LMF1: variants seen among roughly 807,000 people sequenced by gnomAD.
The protein encoded by LMF1 is transmembrane protein 112.
A neutral mutation model predicts 60.6 loss-of-function variants in LMF1; 68 were observed. The ratio of observed to expected loss-of-function variants is 1.12; its 90% CI spans 0.92 to 1.37. LMF1 has a LOEUF of 1.37. Among genes scored for constraint, LMF1 ranks in the 40% most tolerant of loss-of-function variants. The probability of loss-of-function intolerance (pLI) is 0.00; values close to 1 mark genes in which losing one functional copy is unlikely to be tolerated. For missense variants in LMF1, 948 were observed against 767.2 expected (o/e 1.24, Z -2.78); for synonymous variants, 418 against 324.7 (o/e 1.29, Z -3.09).
chr16:855,647 C>A, intron 10 of LMF1: 1 of 453,444 alleles, frequency 2.2e-6, no homozygotes, highest in Non-Finnish European at 4.4e-6. Context: ...CACAGGGCGG[C>A]TGCTGCCTGG....
intron 10 of LMF1, among the ~76,000 whole-genome samples, chr16:859,171 G>C (rs2069334516): frequency 7.4e-6 from 1 of 134,550 alleles, no homozygotes; most frequent in Non-Finnish European, 1.5e-5. Flanking sequence ...TCTCGGGACG[G>C]GTGTGAGTGG....
At chr16:912,669 G>A (rs113728410) in intron 3 of LMF1, among the ~76,000 whole-genome samples, 6,208 of 152,228 alleles carry the variant, frequency 0.041, 195 homozygotes, top group Non-Finnish European at 0.061. Flanking sequence ...CCTCGCTCAC[G>A]CCCCAGGCTC....
chr16:949,843 G>A (rs1224104705), intron 2 of LMF1, among the ~76,000 whole-genome samples: 1 of 111,314 alleles, frequency 9.0e-6, no homozygotes. Flanking sequence ...GACAGAGTTA[G>A]AGACAACGAC....
intron 2 of LMF1, among the ~76,000 whole-genome samples, chr16:948,994 ACGACAGAG>A (rs1473683613): frequency 0.013 from 1,233 of 94,650 alleles, 73 homozygotes; most frequent in African/African-American, 0.026. Flanking sequence ...GAGTCAGCCA[ACGACAGAG>A]TCAGAGCCAA....
At chr16:954,817 G>C (rs2072631135) in intron 1 of LMF1, among the ~76,000 whole-genome samples, 151 bp from the exon 2 acceptor site, 1 of 152,264 alleles carries the variant, frequency 6.6e-6, no homozygotes, top group South Asian at 2.1e-4. Flanking sequence ...TCAGGAGTCT[G>C]AGTACTTTCT....
In LMF1 at chr16:878,627, CCAA is replaced by C. The variant is rs2070065702; in HGVS notation, c.897+940_897+942del. 6.6e-6 allele frequency among the ~76,000 whole-genome samples: 1 copy of C among 151,846 alleles called. No individual in the cohort carries two copies. Among genetic ancestry groups the C allele is most frequent in the African/African-American group, 2.4e-5 (1 of 41,140 alleles). Reference sequence around the variant, plus strand: ...GCACGCACCGTGAAACAGGACCCGGCCAACAACCATGGGCGCCCCCACGTGCAC... The same window carrying C: ...GCACGCACCGTGAAACAGGACCCGGCCAACCATGGGCGCCCCCACGTGCAC... On this transcript the variant is annotated intron_variant, in intron 6 of 10. Coordinates refer to ENST00000262301, the MANE Select transcript of LMF1 (RefSeq NM_022773.4). The surrounding 1 kb of genome is among the most constrained non-coding windows in gnomAD (Gnocchi z 5.2).
intron 10 of LMF1, among the ~76,000 whole-genome samples, chr16:862,033 C>A (rs554788912): frequency 2.0e-5 from 3 of 152,170 alleles, no homozygotes; most frequent in African/African-American, 4.8e-5. Flanking sequence ...CAGATGTGAT[C>A]GTGTGAGTTA....
chr16:978,130 A>C (rs1567350851), intron 1 of LMF1, among the ~76,000 whole-genome samples: 2 of 142,688 alleles, frequency 1.4e-5, no homozygotes, highest in Non-Finnish European at 1.5e-5. Flanking sequence ...TACACACACC[A>C]CACCACACAC....
At chr16:890,708 AG>A (rs1355180116) in intron 5 of LMF1, among the ~76,000 whole-genome samples, 1 of 152,206 alleles carries the variant, frequency 6.6e-6, no homozygotes, top group Non-Finnish European at 1.5e-5. Context: ...GCCTCTTTTA[AG>A]GACACAGTCG....
At chr16:938,943 C>T (rs2072019856) in intron 2 of LMF1, among the ~76,000 whole-genome samples, 1 of 152,214 alleles carries the variant, frequency 6.6e-6, no homozygotes, top group Non-Finnish European at 1.5e-5. Context: ...AGACTGGACA[C>T]AAGAGGAAAC....
In LMF1 at chr16:854,278, G is replaced by C. The variant is rs573897032; in HGVS notation, c.*254C>G. On this transcript the variant is annotated 3_prime_UTR_variant, in exon 11 of 11. Transcript: ENST00000262301. ...GGGCCTCTGGGAGGAGGGTGGGATGGATGGGAGATCAGAGCCCCTGGCGCC... is the reference window on the plus strand; with the variant it reads ...GGGCCTCTGGGAGGAGGGTGGGATGCATGGGAGATCAGAGCCCCTGGCGCC... 1.0e-4 allele frequency: 68 copies of C among 671,284 alleles called. No individual in the cohort carries two copies. In the African/African-American group the frequency reaches 1.1e-3, roughly 11 times the overall value. The allele number at this position is 671,284 out of a possible 1,614,324, so 41.6% of individuals were successfully genotyped here.
rs116145042 is a variant in LMF1, at chr16:964,925, G to A, written c.193+5863C>T. 6.7e-3 allele frequency among the ~76,000 whole-genome samples: 1,015 copies of A among 152,340 alleles called. 14 individuals carry two copies. The highest frequency in any genetic ancestry group is 0.023 in the African/African-American group (973 of 41,566). On this transcript the variant is annotated intron_variant, in intron 1 of 10. Coordinates refer to ENST00000262301, the MANE Select transcript of LMF1 (RefSeq NM_022773.4). ...CCCCACGCGGAAAAGAAGGAAGGGCGGTGAGCAGGCGCACAGAACAGACGC... is the reference window on the plus strand; with the variant it reads ...CCCCACGCGGAAAAGAAGGAAGGGCAGTGAGCAGGCGCACAGAACAGACGC...
intron 8 of LMF1, 104 bp downstream of exon 8, chr16:870,625 T>C: frequency 7.4e-7 from 1 of 1,354,566 alleles, no homozygotes. Flanking sequence ...AGGGGACACT[T>C]GGGGTCATGG....
intron 6 of LMF1, among the ~76,000 whole-genome samples, chr16:875,399 C>T (rs773846706): frequency 2.2e-4 from 33 of 152,122 alleles, no homozygotes; most frequent in Non-Finnish European, 3.7e-4. Flanking sequence ...CAGGTTCCTG[C>T]GTTCTGAATA....
intron 2 of LMF1, among the ~76,000 whole-genome samples, chr16:938,181 C>T (rs1488768468): frequency 6.6e-6 from 1 of 152,244 alleles, no homozygotes; most frequent in Non-Finnish European, 1.5e-5. Flanking sequence ...GGGGTGCCAG[C>T]TAGCACTGGC....
intron 3 of LMF1, among the ~76,000 whole-genome samples, chr16:918,265 C>T (rs983442586): frequency 1.8e-4 from 27 of 152,314 alleles, no homozygotes; most frequent in Middle Eastern, 3.4e-3. Context: ...TGCGCCCGGC[C>T]GCGCGGCTTG....
At chr16:891,355 G>A (rs921289667) in intron 5 of LMF1, among the ~76,000 whole-genome samples, 2 of 152,356 alleles carry the variant, frequency 1.3e-5, no homozygotes, top group East Asian at 1.9e-4. Flanking sequence ...GCCTGATGCC[G>A]GCTTTGAAAT....
At chr16:893,498 G>A (rs1596927846) in intron 4 of LMF1, 4 of 428,588 alleles carry the variant, frequency 9.3e-6, no homozygotes, top group South Asian at 1.7e-5. Context: ...CAGTGCACAC[G>A]CGTCTCAGCC....
At position 963,966 on chromosome 16, in the gene LMF1, G is replaced by A. The variant is rs957111436; in HGVS notation, c.193+6822C>T. 3.6e-5 allele frequency: 16 copies of A among 439,426 alleles called. 1 individual carries two copies. Among genetic ancestry groups the A allele is most frequent in the East Asian group, 2.1e-4 (3 of 14,004 alleles). The allele number at this position is 439,426 out of a possible 1,614,324, so 27.2% of individuals were successfully genotyped here. A position where few individuals can be genotyped will look rare whatever the true frequency, so the allele number is the denominator to read the frequency against. On this transcript the variant is annotated intron_variant, in intron 1 of 10. Coordinates refer to ENST00000262301, the MANE Select transcript of LMF1 (RefSeq NM_022773.4). ...AAAACTAACCAAGCAGTCAAGCTTC[G>A]GAAGGCCCCGTCACTACCCCACACG...
Sources: allele counts gnomAD v4.1 joint callset (sites outside exome capture counted in the v4.1 genomes callset), GRCh38; gene constraint gnomAD v4.1.1; non-coding constraint Gnocchi (gnomAD v3.1); transcripts MANE v1.5; gene names NCBI Gene and HGNC (gene_info 2026-07-23, HGNC 2026-07-21).